Variants in TFR2 observed in about 807,000 individuals in gnomAD.
TFR2 encodes transferrin receptor protein 2.
In TFR2, 64 loss-of-function variants were observed where a neutral mutation model predicts 91.9. The ratio of observed to expected loss-of-function variants is 0.70; its 90% confidence interval spans 0.57 to 0.86. TFR2 has a LOEUF of 0.86. TFR2 is among the 40% of genes least tolerant of loss of function. TFR2 has a pLI of 0.00. For synonymous variants in TFR2, 454 were observed against 459.6 expected (o/e 0.99, Z 0.15); for missense variants, 950 against 1,080.5 (o/e 0.88, Z 1.69).
At chr7:100,631,082 G>T in intron 8 of TFR2, 30 bp from the exon 9 acceptor site, 1 of 1,518,632 alleles carries the variant, frequency 6.6e-7, no homozygotes, top group Non-Finnish European at 8.8e-7. Context: ...AAAGGGGGAA[G>T]TTGTAGAGAG....
chr7:100,633,044 C>A lies in TFR2; in HGVS notation c.806G>T (p.Arg269Leu). The A allele has an allele frequency of 6.2e-7, 1 of 1,613,646 alleles. No individual in the cohort carries two copies. The highest frequency in any genetic ancestry group is 2.2e-5 in the East Asian group (1 of 44,866). Residue 269 changes from arginine (R) to leucine (L), a missense_variant, in exon 6 of 18, where the codon CGC (arginine) becomes CTC (leucine). By Grantham distance (102) the Arg-to-Leu change is moderately radical. Coordinates refer to ENST00000223051, the MANE Select transcript of TFR2 (RefSeq NM_003227.4). ...LRARGVDPVGRLLLVRVGVIS... is the reference protein window; with the variant it reads ...LRARGVDPVGLLLLVRVGVIS... ...CACCCCCACGCGCACCAGCAGCAGG[C>A]GGCCCACTGGATCCACGCCCCTGGC...
intron 9 of TFR2, 69 bp from the exon 10 acceptor site, chr7:100,629,441 C>T: frequency 6.2e-7 from 1 of 1,605,940 alleles, no homozygotes; most frequent in East Asian, 2.2e-5. Context: ...CCTCCATCTG[C>T]CTGTGTCTCT....
chr7:100,634,997 C>T (rs1034239868), intron 3 of TFR2, among the ~76,000 whole-genome samples: 1 of 150,668 alleles, frequency 6.6e-6, no homozygotes, highest in African/African-American at 2.4e-5. Context: ...GGTGTGTAGT[C>T]GTGCAATCTC....
At chr7:100,630,276 CTT>C (rs1455495954) in intron 9 of TFR2, among the ~76,000 whole-genome samples, 1 of 149,368 alleles carries the variant, frequency 6.7e-6, no homozygotes, top group East Asian at 2.0e-4. Flanking sequence ...CTCTTTCTCT[CTT>C]TCTTTCTTTC....
In TFR2 at chr7:100,626,978, C is replaced by T. The variant is rs1803279280; in HGVS notation, c.1996-75G>A. 6 of 1,490,434 alleles carry T rather than the reference C, an allele frequency of 4.0e-6. No homozygotes were observed. In the South Asian group the frequency reaches 5.2e-5, roughly 13 times the overall value. 92.3% of individuals were successfully genotyped at this position (1,490,434 alleles called of 1,614,324 possible). On this transcript the variant is annotated intron_variant, in intron 16 of 17. Coordinates refer to ENST00000223051, the MANE Select transcript of TFR2 (RefSeq NM_003227.4). ...CGCCTAGCATGGGGACAAGGACCCC[C>T]GCCTAGCATGGGGAAGGGGGCTGGG...
At chr7:100,627,549 T>C (rs377756098) in intron 15 of TFR2, 28 bp downstream of exon 15, 208 of 1,613,780 alleles carry the variant, frequency 1.3e-4, no homozygotes, top group Non-Finnish European at 1.7e-4. Flanking sequence ...ACTAGCGCTG[T>C]GTCTGGGGCA....
Position 100,631,858 on chromosome 7 carries a change from G to A in TFR2, c.1054C>T (p.Pro352Ser). 6.2e-7 allele frequency: 1 copy of A among 1,613,978 alleles called. No homozygotes were observed. Residue 352 changes from proline (P) to serine (S), a missense_variant, in exon 8 of 18, where the codon CCC becomes TCC. Coordinates refer to ENST00000223051, the MANE Select transcript of TFR2 (RefSeq NM_003227.4). ...QFPPVASSGL[P>S]SIPAQPISAD... ...CTGATGGGCTGGGCTGGGATGCTGG[G>A]AAGGCCTGATGATGCAACTGGAGGG...
intron 6 of TFR2, among the ~76,000 whole-genome samples, chr7:100,632,480 C>G (rs1803470938): frequency 6.6e-6 from 1 of 151,822 alleles, no homozygotes; most frequent in Admixed American, 6.6e-5. Flanking sequence ...CCTTCTGATT[C>G]AATTCCCAGA....
chr7:100,628,549 A>C (rs1164959357), intron 10 of TFR2, among the ~76,000 whole-genome samples: 1 of 147,928 alleles, frequency 6.8e-6, no homozygotes, highest in Non-Finnish European at 1.5e-5. Context: ...ACAGGCATGC[A>C]CCACTAAGTC....
At chr7:100,629,422 TG>T in intron 9 of TFR2, 50 bp from the exon 10 acceptor site, 1 of 1,610,394 alleles carries the variant, frequency 6.2e-7, no homozygotes, top group Non-Finnish European at 8.5e-7. Flanking sequence ...CCCTGCACCC[TG>T]GGGGCATCCT....
At chr7:100,641,315 G>T in intron 1 of TFR2, 87 bp from the exon 2 acceptor site, 1 of 1,491,834 alleles carries the variant, frequency 6.7e-7, no homozygotes, top group South Asian at 1.2e-5. Context: ...GTGACTTGGG[G>T]GTGTCAAATG....
chr7:100,632,224 T>TC (rs752078863), intron 6 of TFR2, 26 bp from the exon 7 acceptor site: 26 of 1,605,774 alleles, frequency 1.6e-5, no homozygotes, highest in Non-Finnish European at 2.2e-5. Flanking sequence ...ACTAGAGGAC[T>TC]CCTCCCAGAA....
In TFR2 at chr7:100,629,303, G is replaced by C. The variant is rs754200714; in HGVS notation, c.1340C>G (p.Thr447Arg). 6.2e-7 allele frequency: 1 copy of C among 1,614,132 alleles called. No homozygotes were observed. The highest frequency in any genetic ancestry group is 8.5e-7 in the Non-Finnish European group (1 of 1,179,992). Residue 447 changes from threonine to arginine, a missense_variant, in exon 10 of 18, where the codon ACG (threonine) becomes AGG (arginine). Thr to Arg is a moderately conservative substitution (Grantham distance 71). Coordinates refer to ENST00000223051, the MANE Select transcript of TFR2 (RefSeq NM_003227.4). Reference protein sequence around the residue: ...GPGAAKSAVGTAILLELVRTF... With the variant: ...GPGAAKSAVGRAILLELVRTF... ...CCGCACCAGCTCCAGGAGTATAGCC[G>C]TCCCCACAGCGGATTTAGCTGCTCC...
At position 100,620,920 on chromosome 7, in the gene TFR2, C is replaced by G; in HGVS notation, c.2343G>C (p.Trp781Cys). Residue 781 changes from tryptophan to cysteine, a missense_variant, in exon 18 of 18, where the codon TGG becomes TGC. Trp to Cys is a radical substitution (Grantham distance 215). Transcript: ENST00000223051. ...GCGCATTGGCTGCCCCTTGCAGCGT[C>G]CAGGTGAGCAGGGCTAGCTGACGCC... ...RFRRQLALLT[W>C]TLQGAANALS... 6.2e-7 allele frequency: 1 copy of G among 1,614,178 alleles called. No homozygotes were observed. Among genetic ancestry groups the G allele is most frequent in the Non-Finnish European group, 8.5e-7 (1 of 1,179,990 alleles).
At chr7:100,621,175 G>T in intron 17 of TFR2, 49 bp from the exon 18 acceptor site, 1 of 1,443,510 alleles carries the variant, frequency 6.9e-7, no homozygotes, top group South Asian at 1.5e-5. Context: ...TGGCTCGGGA[G>T]CAAAGGCCCG....
chr7:100,630,260 TTCTTTC>T (rs1803397005), intron 9 of TFR2, among the ~76,000 whole-genome samples: 2 of 151,766 alleles, frequency 1.3e-5, no homozygotes, highest in Admixed American at 6.6e-5. Flanking sequence ...CTTTCTTTTT[TTCTTTC>T]TCTTTCTCTC....
intron 3 of TFR2, among the ~76,000 whole-genome samples, chr7:100,634,616 C>T (rs995623929): frequency 7.9e-5 from 12 of 152,148 alleles, no homozygotes; most frequent in Admixed American, 1.3e-4. Context: ...GGGAGGATCA[C>T]TCAGGGATGA....
chr7:100,629,742 CTTAT>C (rs1040281842), intron 9 of TFR2, among the ~76,000 whole-genome samples: 8 of 143,624 alleles, frequency 5.6e-5, no homozygotes, highest in African/African-American at 2.1e-4. Context: ...TACTTACTTA[CTTAT>C]TTATTTATTT....
In TFR2 at chr7:100,633,331, G is replaced by A; in HGVS notation, c.624C>T (p.Pro208=). Residue 208 remains proline (P), a synonymous_variant, in exon 5 of 18, where the codon CCC becomes CCT. Coordinates refer to ENST00000223051, the MANE Select transcript of TFR2 (RefSeq NM_003227.4). ...VGLQFPDPAH[P]NTLHWVDEAG... The stretch of plus-strand genomic sequence containing the variant: ...CCTCATCGACCCAGTGCAGGGTGTT[G>A]GGGTGAGCCCTGGGGAGCGGGGCTG... The A allele has an allele frequency of 6.2e-7, 1 of 1,613,336 alleles. No homozygotes were observed. The highest frequency in any genetic ancestry group is 8.5e-7 in the Non-Finnish European group (1 of 1,179,782).
Sources: gnomAD v4.1 joint callset for allele counts (sites outside exome capture counted in the v4.1 genomes callset) on GRCh38, gnomAD v4.1.1 for gene constraint, MANE v1.5 for transcripts, NCBI Gene and HGNC (gene_info 2026-07-23, HGNC 2026-07-21) for gene names.